Variants in GPR149 observed in about 807,000 individuals in gnomAD.
GPR149 encodes the protein probable G protein-coupled receptor 149.
In GPR149, 50 loss-of-function variants were observed where a neutral mutation model predicts 50.2. That is an observed-to-expected ratio of 1.00 (90% CI 0.79 to 1.26). GPR149 has a LOEUF of 1.26. GPR149 is among the 50% of genes most tolerant of loss of function. The pLI is 0.00. For synonymous variants in GPR149, 405 were observed against 358.2 expected (o/e 1.13, Z -1.48); for missense variants, 983 against 895.4 (o/e 1.10, Z -1.25).
intron 3 of GPR149, among the ~76,000 whole-genome samples, chr3:154,369,515 C>T (rs1285699147): frequency 6.6e-6 from 1 of 152,178 alleles, no homozygotes; most frequent in Non-Finnish European, 1.5e-5. Flanking sequence ...CCCCACTCTC[C>T]TCCCCAACTG....
chr3:154,373,444 C>G (rs1714713628), intron 3 of GPR149, among the ~76,000 whole-genome samples: 1 of 152,172 alleles, frequency 6.6e-6, no homozygotes, highest in Admixed American at 6.5e-5. Flanking sequence ...TCGAAAAGCA[C>G]TTGGAAGATT....
chr3:154,404,464 A>G (rs2108419971), intron 3 of GPR149, among the ~76,000 whole-genome samples: 1 of 152,354 alleles, frequency 6.6e-6, no homozygotes. Flanking sequence ...TTAGAGAATA[A>G]TACCCAAATC....
chr3:154,388,760 AAC>A (rs1715101762), intron 3 of GPR149, among the ~76,000 whole-genome samples: 1 of 152,036 alleles, frequency 6.6e-6, no homozygotes. Context: ...TGACCATCCT[AAC>A]ACTGAACTTT....
chr3:154,353,467 C>T, intron 3 of GPR149: 1 of 921,768 alleles, frequency 1.1e-6, no homozygotes, highest in Non-Finnish European at 1.8e-6. Flanking sequence ...TCCACTTCAT[C>T]AAGCACAACA....
chr3:154,379,997 A>G lies in GPR149; in HGVS notation c.1623+41042T>C, dbSNP rs556841670. Among the ~76,000 whole-genome samples, 6 of 152,008 alleles carry G rather than the reference A, an allele frequency of 3.9e-5. No homozygotes were observed. The South Asian group carries it at 1.2e-3, about 32-fold the overall frequency. ...GCAAGCAAACAAATAAAAATAAACA[A>G]CTCCCCCAACAAAACCCAGAATGAT... On this transcript the variant is annotated intron_variant, in intron 3 of 3. Transcript: ENST00000389740.
At chr3:154,417,959 A>G (rs989797223) in intron 3 of GPR149, among the ~76,000 whole-genome samples, 7 of 152,124 alleles carry the variant, frequency 4.6e-5, no homozygotes, top group Non-Finnish European at 5.9e-5. Flanking sequence ...TTTGTAAACA[A>G]ATTTACAAGA....
chr3:154,388,509 A>G (rs902978962), intron 3 of GPR149, among the ~76,000 whole-genome samples: 3 of 151,952 alleles, frequency 2.0e-5, no homozygotes, highest in Non-Finnish European at 4.4e-5. Flanking sequence ...CTTAGTTTCT[A>G]TATACTTGAG....
At chr3:154,410,612 A>T (rs1259562055) in intron 3 of GPR149, among the ~76,000 whole-genome samples, 3 of 152,196 alleles carry the variant, frequency 2.0e-5, no homozygotes, top group Admixed American at 1.3e-4. Flanking sequence ...TTATACAATG[A>T]TAAAAGAACT....
intron 3 of GPR149, among the ~76,000 whole-genome samples, chr3:154,391,584 G>A (rs73872848): frequency 0.063 from 9,480 of 151,176 alleles, 880 homozygotes; most frequent in African/African-American, 0.2. Context: ...GTAAGTACTC[G>A]CCCATCAAAA....
intron 3 of GPR149, chr3:154,352,712 C>T (rs1714110113): frequency 1.3e-6 from 1 of 784,236 alleles, no homozygotes; most frequent in African/African-American, 1.7e-5. Flanking sequence ...CAGAAAAAAT[C>T]AACAGCAGCA....
chr3:154,414,420 A>C (rs778212342), intron 3 of GPR149, among the ~76,000 whole-genome samples: 6 of 152,056 alleles, frequency 3.9e-5, no homozygotes, highest in Non-Finnish European at 8.8e-5. Context: ...CAAAAGAAGA[A>C]TCGTAGAAAT....
intron 3 of GPR149, among the ~76,000 whole-genome samples, chr3:154,378,594 A>G (rs1009419816): frequency 1.1e-4 from 17 of 152,232 alleles, no homozygotes; most frequent in Non-Finnish European, 1.9e-4. Context: ...TTAAGGAAAC[A>G]GCTCAACTAT....
chr3:154,415,197 T>C lies in GPR149; in HGVS notation c.1623+5842A>G, dbSNP rs559821275. Among the ~76,000 whole-genome samples the C allele has an allele frequency of 1.3e-4, 20 of 152,010 alleles. 1 individual carries two copies. In the South Asian group the frequency reaches 2.9e-3, roughly 22 times the overall value. On this transcript the variant is annotated intron_variant, in intron 3 of 3. Coordinates refer to ENST00000389740, the MANE Select transcript of GPR149 (RefSeq NM_001038705.3). The stretch of plus-strand genomic sequence containing the variant: ...TGGGTCATTTCAGTACACAATCTTT[T>C]AGGTTTCTTAAGCCAGGAGACTTTT...
At chr3:154,347,489 C>T (rs934448035) in intron 3 of GPR149, among the ~76,000 whole-genome samples, 3 of 152,318 alleles carry the variant, frequency 2.0e-5, no homozygotes, top group South Asian at 2.1e-4. Flanking sequence ...TACCTCACAC[C>T]GGGTTCCTCC....
In GPR149 at chr3:154,382,196, C is replaced by T. The variant is rs74778117; in HGVS notation, c.1623+38843G>A. 1.5e-3 allele frequency among the ~76,000 whole-genome samples: 234 copies of T among 152,292 alleles called. 1 individual carries two copies. The highest frequency in any genetic ancestry group is 5.5e-3 in the African/African-American group (227 of 41,572). ...GTTGGTTCTGTCATAGCTCAAGATT[C>T]ACCAGTGATGCTGAGCAGGAGATTG... On this transcript the variant is annotated intron_variant, in intron 3 of 3. Coordinates refer to ENST00000389740, the MANE Select transcript of GPR149 (RefSeq NM_001038705.3).
At chr3:154,346,892 T>C (rs1713941669) in intron 3 of GPR149, among the ~76,000 whole-genome samples, 1 of 152,166 alleles carries the variant, frequency 6.6e-6, no homozygotes, top group South Asian at 2.1e-4. Flanking sequence ...CCACAGCATC[T>C]GGCCAGCTTG....
intron 3 of GPR149, among the ~76,000 whole-genome samples, chr3:154,379,847 G>A (rs187530644): frequency 3.7e-4 from 56 of 151,980 alleles, no homozygotes; most frequent in Non-Finnish European, 6.8e-4. Flanking sequence ...TCTTTATAGC[G>A]AGTTTTGAAG....
chr3:154,401,690 T>A (rs1174519842), intron 3 of GPR149, among the ~76,000 whole-genome samples: 1 of 152,152 alleles, frequency 6.6e-6, no homozygotes, highest in Non-Finnish European at 1.5e-5. Flanking sequence ...CATGTGAGTG[T>A]CAAGACTGCA....
chr3:154,372,825 G>A (rs539867062), intron 3 of GPR149, among the ~76,000 whole-genome samples: 16 of 152,318 alleles, frequency 1.1e-4, no homozygotes, highest in African/African-American at 2.2e-4. Context: ...GACCAAGTAC[G>A]TGGCTTGGGC....
Sources: gnomAD v4.1 joint callset for allele counts (sites outside exome capture counted in the v4.1 genomes callset) on GRCh38, gnomAD v4.1.1 for gene constraint, MANE v1.5 for transcripts, NCBI Gene and HGNC (gene_info 2026-07-23, HGNC 2026-07-21) for gene names.